Variants in NDUFS6 observed in about 807,000 individuals in gnomAD.
NDUFS6 encodes the protein NADH dehydrogenase [ubiquinone] iron-sulfur protein 6, mitochondrial.
In NDUFS6, 14 loss-of-function variants were observed where a neutral mutation model predicts 13.2. That is an observed-to-expected ratio of 1.06 (90% CI 0.70 to 1.66). The LOEUF (loss-of-function observed/expected upper bound fraction) is 1.66. Among genes scored for constraint, NDUFS6 ranks in the 40% most tolerant of loss-of-function variants. The pLI, the probability that NDUFS6 is intolerant of heterozygous loss-of-function variation, is 0.00. For synonymous variants in NDUFS6, 95 were observed against 72.3 expected, an observed-to-expected ratio of 1.31 and a Z score of -1.60; for missense variants, 206 against 170.8, an observed-to-expected ratio of 1.21 and a Z score of -1.15.
chr5:1,813,882 A>G (rs1400018885), intron 2 of NDUFS6, among the ~76,000 whole-genome samples: 1 of 152,256 alleles, frequency 6.6e-6, no homozygotes, highest in East Asian at 1.9e-4. Flanking sequence ...CATTTTAGAT[A>G]AATCTATTCC....
chr5:1,814,530 G>A lies in NDUFS6; in HGVS notation c.309+69G>A, dbSNP rs576792134. 1.2e-4 allele frequency: 201 copies of A among 1,611,102 alleles called. 1 individual carries two copies. In the South Asian group the frequency reaches 2.0e-3, roughly 16 times the overall value. The stretch of plus-strand genomic sequence containing the variant: ...GTCCTCATACTCCCCTTCACTCCCA[G>A]TGCCTGTTCTTTCTGTCCTCTTCTC... On this transcript the variant is annotated intron_variant, in intron 3 of 3. Coordinates refer to ENST00000274137, the MANE Select transcript of NDUFS6 (RefSeq NM_004553.6). The surrounding 1 kb of genome is among the most constrained non-coding windows in gnomAD (Gnocchi z 4.9).
intron 2 of NDUFS6, among the ~76,000 whole-genome samples, chr5:1,808,483 A>C (rs933722917): frequency 6.6e-6 from 1 of 152,236 alleles, no homozygotes; most frequent in African/African-American, 2.4e-5. Flanking sequence ...CCCAGGACCC[A>C]GAGGAAAATA....
intron 2 of NDUFS6, among the ~76,000 whole-genome samples, chr5:1,809,858 C>T (rs969245564): frequency 3.3e-5 from 5 of 152,254 alleles, no homozygotes; most frequent in African/African-American, 1.2e-4. Context: ...GCAGCAGAGG[C>T]TTGTGTTGCT....
At chr5:1,812,000 A>G (rs1343259575) in intron 2 of NDUFS6, among the ~76,000 whole-genome samples, 1 of 152,230 alleles carries the variant, frequency 6.6e-6, no homozygotes, top group African/African-American at 2.4e-5. Context: ...TTCTTTCCCT[A>G]TATTTACCAG....
intron 2 of NDUFS6, among the ~76,000 whole-genome samples, chr5:1,813,205 A>C (rs1044546914): frequency 6.6e-6 from 1 of 152,190 alleles, no homozygotes; most frequent in African/African-American, 2.4e-5. Context: ...ATTTTTCAAT[A>C]ATAATTTCAT....
intron 2 of NDUFS6, among the ~76,000 whole-genome samples, chr5:1,810,983 C>T (rs936662794): frequency 6.6e-6 from 1 of 152,200 alleles, no homozygotes; most frequent in Non-Finnish European, 1.5e-5. Context: ...CCAACCCTCC[C>T]TTCCTCCTCC....
intron 2 of NDUFS6, among the ~76,000 whole-genome samples, chr5:1,802,845 A>C (rs759844135): frequency 3.0e-4 from 46 of 152,154 alleles, no homozygotes; most frequent in Non-Finnish European, 6.6e-4. Context: ...AGGGAAGATC[A>C]GTTCAGGTGC....
chr5:1,814,218 T>G lies in NDUFS6; in HGVS notation c.187-121T>G. On this transcript the variant is annotated intron_variant, in intron 2 of 3. Coordinates refer to ENST00000274137, the MANE Select transcript of NDUFS6 (RefSeq NM_004553.6). The surrounding 1 kb of genome is among the most constrained non-coding windows in gnomAD (Gnocchi z 4.9). ...TAATAAGGTCTACAATGATAATAGT[T>G]AAATGAAGCATGCACCATAGATTCG... 5.1e-6 allele frequency: 7 copies of G among 1,377,982 alleles called. No individual in the cohort carries two copies. Among genetic ancestry groups the G allele is most frequent in the Non-Finnish European group, 6.2e-6 (6 of 972,668 alleles). 85.4% of individuals were successfully genotyped at this position (1,377,982 alleles called of 1,614,324 possible).
intron 2 of NDUFS6, among the ~76,000 whole-genome samples, chr5:1,809,162 T>C (rs1433356052): frequency 6.6e-6 from 1 of 151,900 alleles, no homozygotes; most frequent in Non-Finnish European, 1.5e-5. Context: ...AAAGAGTGTT[T>C]CCTATTTTTT....
chr5:1,814,807 T>C lies in NDUFS6; in HGVS notation c.309+346T>C, dbSNP rs893026668. 3.1e-6 allele frequency: 2 copies of C among 651,402 alleles called. No homozygotes were observed. Among genetic ancestry groups the C allele is most frequent in the African/African-American group, 3.6e-5 (2 of 55,360 alleles). 40.4% of individuals were successfully genotyped at this position (651,402 alleles called of 1,614,324 possible). A position where few individuals can be genotyped will look rare whatever the true frequency, so the allele number is the denominator to read the frequency against. On this transcript the variant is annotated intron_variant, in intron 3 of 3. Coordinates refer to ENST00000274137, the MANE Select transcript of NDUFS6 (RefSeq NM_004553.6). This position sits in a 1 kb window ranked among gnomAD's most constrained non-coding sequence, Gnocchi z 4.9. ...CTGGGGTCGAAAACAACAAACACATTTCCCACAGCGCTGGAGGCTGCAGCC... is the reference window on the plus strand; with the variant it reads ...CTGGGGTCGAAAACAACAAACACATCTCCCACAGCGCTGGAGGCTGCAGCC...
rs570319906 is a variant in NDUFS6 at position 1,815,920 on chromosome 5, G to T, written c.*4G>T. On this transcript the variant is annotated 3_prime_UTR_variant, in exon 4 of 4. Transcript: ENST00000274137. ...GTTCAGACAGCACCACCACTAGAGC[G>T]TGTGGCACGCCGGGGGTCCCGCAGC... 1 of 1,614,124 alleles carries T rather than the reference G, an allele frequency of 6.2e-7. No individual in the cohort carries two copies. Among genetic ancestry groups the T allele is most frequent in the Non-Finnish European group, 8.5e-7 (1 of 1,180,042 alleles).
chr5:1,815,722 T>C, intron 3 of NDUFS6, 129 bp from the exon 4 acceptor site: 1 of 963,546 alleles, frequency 1.0e-6, no homozygotes, highest in South Asian at 1.4e-5. Flanking sequence ...GTCTGCATTC[T>C]TACTTCAGTA....
chr5:1,802,028 C>T, intron 1 of NDUFS6: 1 of 459,104 alleles, frequency 2.2e-6, no homozygotes, highest in Non-Finnish European at 3.9e-6. Flanking sequence ...AGGCCATATG[C>T]CAAAGAAGGT....
intron 2 of NDUFS6, among the ~76,000 whole-genome samples, chr5:1,807,206 T>TGCGTGAGGTACTCA (rs1734141080): frequency 1.5e-4 from 3 of 19,412 alleles, no homozygotes; most frequent in Admixed American, 1.4e-3. Flanking sequence ...GTGTGAACAC[T>TGCGTGAGGTACTCA]GTGTGATTCC....
chr5:1,814,618 A>C lies in NDUFS6; in HGVS notation c.309+157A>C. On this transcript the variant is annotated intron_variant, in intron 3 of 3. Coordinates refer to ENST00000274137, the MANE Select transcript of NDUFS6 (RefSeq NM_004553.6). This position sits in a 1 kb window ranked among gnomAD's most constrained non-coding sequence, Gnocchi z 4.9. ...GCTGGCACATTCACCCTACAGCGCC[A>C]CACTACAGGGCCTACATAGAGCCGC... The C allele has an allele frequency of 2.7e-6, 3 of 1,128,950 alleles. No individual in the cohort carries two copies. Among genetic ancestry groups the C allele is most frequent in the Non-Finnish European group, 3.9e-6 (3 of 772,740 alleles). The allele number at this position is 1,128,950 out of a possible 1,614,324, so 69.9% of individuals were successfully genotyped here. A position where few individuals can be genotyped will look rare whatever the true frequency, so the allele number is the denominator to read the frequency against.
chr5:1,814,532 G>A lies in NDUFS6; in HGVS notation c.309+71G>A, dbSNP rs188404702. 93 of 1,610,174 alleles carry A rather than the reference G, an allele frequency of 5.8e-5. No individual in the cohort carries two copies. The Admixed American group carries it at 1.2e-3, about 21-fold the overall frequency. On this transcript the variant is annotated intron_variant, in intron 3 of 3. Transcript: ENST00000274137. The surrounding 1 kb of genome is among the most constrained non-coding windows in gnomAD (Gnocchi z 4.9). ...CCTCATACTCCCCTTCACTCCCAGT[G>A]CCTGTTCTTTCTGTCCTCTTCTCTA... is the stretch of plus-strand genomic sequence containing the variant.
intron 1 of NDUFS6, 155 bp from the exon 2 acceptor site, chr5:1,802,166 C>T: frequency 4.6e-6 from 3 of 658,670 alleles, no homozygotes; most frequent in Non-Finnish European, 7.9e-6. Flanking sequence ...GCTAAAAATG[C>T]CCCTGATTAC....
chr5:1,808,747 A>G (rs3776144), intron 2 of NDUFS6, among the ~76,000 whole-genome samples: 130,399 of 152,252 alleles, frequency 0.86, 56,490 homozygotes, highest in Non-Finnish European at 0.91. Flanking sequence ...CATTTTCTAT[A>G]AAGTTACTTA....
chr5:1,814,229 T>C lies in NDUFS6; in HGVS notation c.187-110T>C, dbSNP rs1734266111. ...ACAATGATAATAGTTAAATGAAGCA[T>C]GCACCATAGATTCGTGCTGATGGTA... On this transcript the variant is annotated intron_variant, in intron 2 of 3. Coordinates refer to ENST00000274137, the MANE Select transcript of NDUFS6 (RefSeq NM_004553.6). The surrounding 1 kb of genome is among the most constrained non-coding windows in gnomAD (Gnocchi z 4.9). 1.5e-5 allele frequency: 21 copies of C among 1,427,216 alleles called. No individual in the cohort carries two copies. The highest frequency in any genetic ancestry group is 2.1e-5 in the Non-Finnish European group (21 of 1,014,148). The allele number at this position is 1,427,216 out of a possible 1,614,324, so 88.4% of individuals were successfully genotyped here.
Sources: allele counts gnomAD v4.1 joint callset (sites outside exome capture counted in the v4.1 genomes callset), GRCh38; gene constraint gnomAD v4.1.1; non-coding constraint Gnocchi (gnomAD v3.1); transcripts MANE v1.5; gene names NCBI Gene and HGNC (gene_info 2026-07-23, HGNC 2026-07-21).